Variants in STX12 observed in about 807,000 individuals in gnomAD.
STX12 encodes the protein syntaxin 12.
STX12 carries 17 observed loss-of-function variants against 42.2 expected under a neutral mutation model. The observed-to-expected ratio is 0.40, with a 90% CI of 0.28 to 0.60. The LOEUF (loss-of-function observed/expected upper bound fraction) is 0.60. Ranked by LOEUF, STX12 falls within the 20% of genes least tolerant of loss-of-function variation. STX12 has a pLI of 0.39. For synonymous variants in STX12, 108 were observed against 116.7 expected, an observed-to-expected ratio of 0.93 and a Z score of 0.48; for missense variants, 297 against 330.9, an observed-to-expected ratio of 0.90 and a Z score of 0.79.
chr1:27,796,641 C>T (rs948839619), intron 3 of STX12, among the ~76,000 whole-genome samples: 2 of 151,980 alleles, frequency 1.3e-5, no homozygotes, highest in African/African-American at 4.8e-5. Flanking sequence ...ATCCTCTCTC[C>T]TCAGCCTCCC....
chr1:27,792,651 T>C (rs2088757413), intron 2 of STX12, among the ~76,000 whole-genome samples: 1 of 152,062 alleles, frequency 6.6e-6, no homozygotes, highest in Non-Finnish European at 1.5e-5. Context: ...AAACAACAAC[T>C]TTATTTCCAT....
intron 1 of STX12, among the ~76,000 whole-genome samples, chr1:27,780,151 A>G (rs1040884751): frequency 3.3e-5 from 5 of 151,260 alleles, no homozygotes; most frequent in South Asian, 2.1e-4. Context: ...TCTAAATTAT[A>G]CAAATCCTCT....
At chr1:27,790,376 C>T (rs898531914) in intron 2 of STX12, among the ~76,000 whole-genome samples, 6 of 152,190 alleles carry the variant, frequency 3.9e-5, no homozygotes, top group Admixed American at 1.3e-4. Flanking sequence ...TGCTGGCTGG[C>T]GTGGCCAGCT....
At chr1:27,779,358 A>G (rs6689792) in intron 1 of STX12, among the ~76,000 whole-genome samples, 24,681 of 148,660 alleles carry the variant, frequency 0.17, 5,567 homozygotes, top group African/African-American at 0.51. Flanking sequence ...TTTTTGAGCC[A>G]AGTCTCACTC....
At chr1:27,773,519 C>A in intron 1 of STX12, 94 bp downstream of exon 1, 1 of 1,167,642 alleles carries the variant, frequency 8.6e-7, no homozygotes, top group South Asian at 1.3e-5. Flanking sequence ...GGGCTACGGC[C>A]GAGGCCACAC....
intron 1 of STX12, among the ~76,000 whole-genome samples, chr1:27,785,767 A>G (rs769886819): frequency 2.8e-4 from 42 of 152,132 alleles, no homozygotes; most frequent in Non-Finnish European, 4.7e-4. Flanking sequence ...TGGAAAAGGG[A>G]GGCTAACTCA....
rs748074047 is a variant in STX12, at chr1:27,801,685, A to G, written c.296A>G (p.Gln99Arg). 2 of 1,519,380 alleles carry G rather than the reference A, an allele frequency of 1.3e-6. No homozygotes were observed. Among genetic ancestry groups the G allele is most frequent in the Admixed American group, 2.5e-5 (1 of 40,500 alleles). The allele number at this position is 1,519,380 out of a possible 1,614,324, so 94.1% of individuals were successfully genotyped here. A position where few individuals can be genotyped will look rare whatever the true frequency, so the allele number is the denominator to read the frequency against. Residue 99 changes from glutamine (Q) to arginine (R), a missense_variant, in exon 4 of 9, where the codon CAG (glutamine) becomes CGG (arginine). Transcript: ENST00000373943. ...CTTGCTTGATTTCCTTAGCGCCAGC[A>G]GAGACTTCAGAAGGAACGCCTCATG... ...LPLSTSEQRQ[Q>R]RLQKERLMND...
At chr1:27,777,741 G>A (rs571422932) in intron 1 of STX12, among the ~76,000 whole-genome samples, 15 of 152,054 alleles carry the variant, frequency 9.9e-5, no homozygotes, top group Non-Finnish European at 2.2e-4. Context: ...AAAAAAATTA[G>A]CCAGGCGTGA....
chr1:27,794,329 C>T (rs976750569), intron 3 of STX12, among the ~76,000 whole-genome samples: 1 of 152,142 alleles, frequency 6.6e-6, no homozygotes, highest in African/African-American at 2.4e-5. Context: ...CCCAGGGTTC[C>T]TAGTTTGTTT....
intron 1 of STX12, among the ~76,000 whole-genome samples, chr1:27,777,873 C>T (rs939328574): frequency 1.3e-5 from 2 of 151,446 alleles, no homozygotes; most frequent in Non-Finnish European, 2.9e-5. Context: ...GATGACAGAG[C>T]GAGACTCAGT....
At chr1:27,774,881 C>T (rs2088618787) in intron 1 of STX12, among the ~76,000 whole-genome samples, 6 of 151,904 alleles carry the variant, frequency 3.9e-5, no homozygotes, top group Admixed American at 3.9e-4. Flanking sequence ...ACTATGTTGC[C>T]CAGGCTCACT....
chr1:27,777,880 C>G (rs2088637591), intron 1 of STX12, among the ~76,000 whole-genome samples: 1 of 151,152 alleles, frequency 6.6e-6, no homozygotes, highest in African/African-American at 2.4e-5. Context: ...GAGCGAGACT[C>G]AGTCTCAAAA....
rs1262389464 is a variant in STX12, at chr1:27,822,635, C to A, written c.*306C>A. On this transcript the variant is annotated 3_prime_UTR_variant, in exon 9 of 9. Transcript: ENST00000373943. ...TCCATTCTAGATATTCTTGTTTTGA[C>A]AAATGACACTACAGTCTCGTAATAT... 1.9e-5 allele frequency: 5 copies of A among 259,582 alleles called. No homozygotes were observed. The highest frequency in any genetic ancestry group is 6.9e-5 in the South Asian group (1 of 14,446). The allele number at this position is 259,582 out of a possible 1,614,324, so 16.1% of individuals were successfully genotyped here.
intron 6 of STX12, among the ~76,000 whole-genome samples, chr1:27,817,066 G>A (rs2088948503): frequency 6.7e-6 from 1 of 148,252 alleles, no homozygotes; most frequent in Non-Finnish European, 1.5e-5. Flanking sequence ...AAGGAAGGAA[G>A]GAAAGAAGGA....
intron 1 of STX12, among the ~76,000 whole-genome samples, chr1:27,783,032 C>T (rs573893957): frequency 3.9e-5 from 6 of 152,174 alleles, no homozygotes; most frequent in East Asian, 1.9e-4. Context: ...TTAGAGCATT[C>T]GATCCTGTCA....
chr1:27,820,862 G>C (rs958534735), intron 8 of STX12, among the ~76,000 whole-genome samples: 30 of 152,206 alleles, frequency 2.0e-4, no homozygotes, highest in African/African-American at 7.2e-4. Flanking sequence ...CGATGAGTTC[G>C]TGTCCTTTGT....
At chr1:27,809,028 A>G (rs2088883499) in intron 4 of STX12, among the ~76,000 whole-genome samples, 1 of 152,198 alleles carries the variant, frequency 6.6e-6, no homozygotes, top group Admixed American at 6.5e-5. Context: ...GATTTGAAGC[A>G]GCCTTCTTGA....
rs2088954861 is a variant in STX12 at position 27,818,021 on chromosome 1, T to C, written c.649+98T>C. ...TCAGAAGGCTGAGGCTGAAGCACCATCTAGGAGTTTGAAGCCAACCTGGGC... is the reference window on the plus strand; with the variant it reads ...TCAGAAGGCTGAGGCTGAAGCACCACCTAGGAGTTTGAAGCCAACCTGGGC... On this transcript the variant is annotated intron_variant, in intron 7 of 8. Coordinates refer to ENST00000373943, the MANE Select transcript of STX12 (RefSeq NM_177424.3). 8 of 1,011,294 alleles carry C rather than the reference T, an allele frequency of 7.9e-6. No homozygotes were observed. In the South Asian group the frequency reaches 1.0e-4, roughly 13 times the overall value. The allele number at this position is 1,011,294 out of a possible 1,614,324, so 62.6% of individuals were successfully genotyped here. A position where few individuals can be genotyped will look rare whatever the true frequency, so the allele number is the denominator to read the frequency against.
intron 3 of STX12, 69 bp downstream of exon 3, chr1:27,793,701 C>CA (rs1006283895): frequency 5.1e-3 from 5,817 of 1,131,684 alleles, no homozygotes; most frequent in Non-Finnish European, 5.7e-3. Context: ...GTGTGTAGAA[C>CA]AAAAAAAAAA....
Sources: allele counts gnomAD v4.1 joint callset (sites outside exome capture counted in the v4.1 genomes callset), GRCh38; gene constraint gnomAD v4.1.1; transcripts MANE v1.5; gene names NCBI Gene and HGNC (gene_info 2026-07-23, HGNC 2026-07-21).